GALNT5: variants seen among roughly 807,000 people sequenced by gnomAD.
GALNT5 encodes the protein polypeptide N-acetylgalactosaminyltransferase 5.
Under a neutral mutation model 85.4 loss-of-function variants are expected in GALNT5, and 72 were observed. The ratio of observed to expected loss-of-function variants is 0.84; its 90% CI spans 0.70 to 1.03. GALNT5 has a LOEUF of 1.03. GALNT5 is among the 50% of genes least tolerant of loss of function. GALNT5 has a pLI of 0.00. For missense variants in GALNT5, 1,137 were observed against 1,135.5 expected, an observed-to-expected ratio of 1.00 and a Z score of -0.02; for synonymous variants, 404 against 397.0, an observed-to-expected ratio of 1.02 and a Z score of -0.21.
At chr2:157,290,087 G>C (rs1478945024) in intron 3 of GALNT5, among the ~76,000 whole-genome samples, 1 of 131,660 alleles carries the variant, frequency 7.6e-6, no homozygotes, top group African/African-American at 3.3e-5. Flanking sequence ...AAAAAAAAAT[G>C]TATATATATA....
chr2:157,264,410 C>A (rs545975608), intron 1 of GALNT5, among the ~76,000 whole-genome samples: 22 of 152,268 alleles, frequency 1.4e-4, no homozygotes, highest in Admixed American at 1.4e-3. Flanking sequence ...AATAAGAATT[C>A]TGGCGTGCTT....
intron 3 of GALNT5, among the ~76,000 whole-genome samples, chr2:157,287,175 G>A (rs889843322): frequency 1.3e-5 from 2 of 152,038 alleles, no homozygotes; most frequent in African/African-American, 4.8e-5. Flanking sequence ...TTTACTTTGG[G>A]ATTAAGAAGT....
At position 157,312,264 on chromosome 2, in the gene GALNT5, A is replaced by G. The variant is rs1258464539; in HGVS notation, c.*916A>G. ...GAGCTGCTGAAAGTTTCTTTTATAT[A>G]AAAATAATAAAATACTACTTTAGAT... On this transcript the variant is annotated 3_prime_UTR_variant, in exon 10 of 10. Transcript: ENST00000259056. 6.6e-6 allele frequency: 1 copy of G among 152,286 alleles called. No individual in the cohort carries two copies. 9.4% of individuals were successfully genotyped at this position (152,286 alleles called of 1,614,324 possible). A position where few individuals can be genotyped will look rare whatever the true frequency, so the allele number is the denominator to read the frequency against.
chr2:157,308,532 G>T, intron 8 of GALNT5, 35 bp from the exon 9 acceptor site: 1 of 1,563,082 alleles, frequency 6.4e-7, no homozygotes. Context: ...TGTGTTTGCT[G>T]CCTGAAGTGA....
At chr2:157,276,492 C>G (rs1480587479) in intron 1 of GALNT5, among the ~76,000 whole-genome samples, 1 of 152,140 alleles carries the variant, frequency 6.6e-6, no homozygotes, top group African/African-American at 2.4e-5. Context: ...ATTATTGCCT[C>G]AATTTCAGAG....
rs754545687 is a variant in GALNT5, at chr2:157,295,816, C to T, written c.1877+18C>T. ...GATATGAGGTAATATTTACACATTCCACAAGATACTTTCAAGCACATCTTT... is the reference window on the plus strand; with the variant it reads ...GATATGAGGTAATATTTACACATTCTACAAGATACTTTCAAGCACATCTTT... On this transcript the variant is annotated intron_variant, in intron 4 of 9. Transcript: ENST00000259056. 1.9e-6 allele frequency: 3 copies of T among 1,570,702 alleles called. No homozygotes were observed. Among genetic ancestry groups the T allele is most frequent in the Non-Finnish European group, 2.6e-6 (3 of 1,145,740 alleles).
At chr2:157,262,172 C>T (rs756808836) in intron 1 of GALNT5, among the ~76,000 whole-genome samples, 6 of 140,318 alleles carry the variant, frequency 4.3e-5, no homozygotes, top group Non-Finnish European at 9.1e-5. Context: ...TGTCATATCA[C>T]AACTGCTCAT....
At chr2:157,278,709 T>C (rs1037556025) in intron 1 of GALNT5, among the ~76,000 whole-genome samples, 3 of 152,190 alleles carry the variant, frequency 2.0e-5, no homozygotes, top group Non-Finnish European at 4.4e-5. Flanking sequence ...TAGTTAGCCA[T>C]TCGTCTAGTG....
At chr2:157,275,694 G>T (rs923421464) in intron 1 of GALNT5, among the ~76,000 whole-genome samples, 1 of 152,218 alleles carries the variant, frequency 6.6e-6, no homozygotes, top group African/African-American at 2.4e-5. Flanking sequence ...AGACTTTGCT[G>T]AATTTGCTGG....
Position 157,316,822 on chromosome 2 carries a change from TATC to T in GALNT5, c.*5477_*5479del, listed in dbSNP as rs1683715329. Among the ~76,000 whole-genome samples the T allele has an allele frequency of 6.6e-6, 1 of 152,142 alleles. No individual in the cohort carries two copies. The highest frequency in any genetic ancestry group is 2.1e-4 in the South Asian group (1 of 4,836). On this transcript the variant is annotated 3_prime_UTR_variant, in exon 10 of 10. Coordinates refer to ENST00000259056, the MANE Select transcript of GALNT5 (RefSeq NM_014568.3). ...GTTTTCAACCTAATGGAACAATAGT[TATC>T]ATTTCAATTAGAGTCGCTTTGCAAG...
chr2:157,273,476 A>C (rs1574015783), intron 1 of GALNT5, among the ~76,000 whole-genome samples: 1 of 151,840 alleles, frequency 6.6e-6, no homozygotes, highest in South Asian at 2.1e-4. Flanking sequence ...CGTGGACTTC[A>C]ATGTGCAAAT....
At chr2:157,279,719 C>A (rs1197083904) in intron 1 of GALNT5, among the ~76,000 whole-genome samples, 3 of 152,226 alleles carry the variant, frequency 2.0e-5, no homozygotes, top group Admixed American at 1.3e-4. Context: ...CAGGTGCAAT[C>A]TGTCACAGCT....
intron 9 of GALNT5, among the ~76,000 whole-genome samples, chr2:157,309,762 T>TC (rs1489355533): frequency 3.9e-5 from 6 of 152,212 alleles, no homozygotes; most frequent in Non-Finnish European, 8.8e-5. Flanking sequence ...CCAACATTTC[T>TC]CCCATTAGAT....
At chr2:157,271,014 G>T (rs1161974273) in intron 1 of GALNT5, among the ~76,000 whole-genome samples, 3 of 152,098 alleles carry the variant, frequency 2.0e-5, no homozygotes, top group African/African-American at 7.2e-5. Context: ...TACTCAGGAG[G>T]CTGAAGTAGG....
At position 157,313,911 on chromosome 2, in the gene GALNT5, T is replaced by C. The variant is rs1468547367; in HGVS notation, c.*2563T>C. On this transcript the variant is annotated 3_prime_UTR_variant, in exon 10 of 10. Transcript: ENST00000259056. The stretch of plus-strand genomic sequence containing the variant: ...ATTTTATACATTGCTTTTCATCATA[T>C]ATTTGCTCAGTTACTCTAAGAAGCA... 6.6e-6 allele frequency: 1 copy of C among 152,226 alleles called. No individual in the cohort carries two copies. Among genetic ancestry groups the C allele is most frequent in the African/African-American group, 2.4e-5 (1 of 41,470 alleles). The allele number at this position is 152,226 out of a possible 1,614,324, so 9.4% of individuals were successfully genotyped here.
At chr2:157,261,553 T>C (rs1363261224) in intron 1 of GALNT5, among the ~76,000 whole-genome samples, 4 of 152,172 alleles carry the variant, frequency 2.6e-5, no homozygotes, top group Non-Finnish European at 5.9e-5. Flanking sequence ...CTTGGCTAAA[T>C]ATAGGTGTGT....
At chr2:157,277,542 T>A (rs1427844094) in intron 1 of GALNT5, among the ~76,000 whole-genome samples, 1 of 152,252 alleles carries the variant, frequency 6.6e-6, no homozygotes, top group Non-Finnish European at 1.5e-5. Flanking sequence ...AGTTAGCTCT[T>A]CTTGTTCAAC....
chr2:157,306,423 C>A (rs1006049988), intron 8 of GALNT5, among the ~76,000 whole-genome samples: 1 of 152,064 alleles, frequency 6.6e-6, no homozygotes, highest in African/African-American at 2.4e-5. Flanking sequence ...GAAAACTCCC[C>A]AAACTCAGAG....
At chr2:157,280,653 C>A (rs1415324690) in intron 1 of GALNT5, among the ~76,000 whole-genome samples, 2 of 152,144 alleles carry the variant, frequency 1.3e-5, no homozygotes, top group African/African-American at 4.8e-5. Flanking sequence ...AAGTATCATC[C>A]AAGGAATAGC....
Sources: gnomAD v4.1 joint callset for allele counts (sites outside exome capture counted in the v4.1 genomes callset) on GRCh38, gnomAD v4.1.1 for gene constraint, MANE v1.5 for transcripts, NCBI Gene and HGNC (gene_info 2026-07-23, HGNC 2026-07-21) for gene names.